The following CCDC146 variants were observed in gnomAD, a reference collection of about 807,000 sequenced individuals.
The protein encoded by CCDC146 is coiled-coil domain containing 146.
In CCDC146, 92 loss-of-function variants were observed where a neutral mutation model predicts 119.3. The observed-to-expected ratio is 0.77, with a 90% CI of 0.65 to 0.92. CCDC146 has a LOEUF of 0.92. Ranked by LOEUF, CCDC146 falls within the 40% of genes least tolerant of loss-of-function variation. CCDC146 has a pLI of 0.00. For missense variants in CCDC146, 1,000 were observed against 1,103.0 expected (o/e 0.91, Z 1.32); for synonymous variants, 372 against 371.8 (o/e 1.00, Z -0.01).
At position 77,165,018 on chromosome 7, in the gene CCDC146, G is replaced by A. The variant is rs554283237; in HGVS notation, c.-11-2640G>A. ...TTCTGTTGATTCAGTGAAGATTCAT[G>A]TATTTCAGAGATCAAAAAGAGCTGA... On this transcript the variant is annotated intron_variant, in intron 1 of 18. Transcript: ENST00000285871. Among the ~76,000 whole-genome samples the A allele has an allele frequency of 5.3e-4, 80 of 152,342 alleles. No homozygotes were observed. The South Asian group carries it at 0.016, about 30-fold the overall frequency.
intron 9 of CCDC146, among the ~76,000 whole-genome samples, chr7:77,266,020 G>A (rs118007520): frequency 2.0e-5 from 3 of 152,244 alleles, no homozygotes; most frequent in East Asian, 1.9e-4. Context: ...CACACATGAC[G>A]GTATACCTCT....
chr7:77,234,615 G>A (rs760253158), intron 2 of CCDC146, among the ~76,000 whole-genome samples: 9 of 152,104 alleles, frequency 5.9e-5, no homozygotes, highest in African/African-American at 1.9e-4. Flanking sequence ...TGCGCCTGTA[G>A]TCCCACCTAA....
chr7:77,128,931 G>A (rs1018976586), intron 1 of CCDC146, among the ~76,000 whole-genome samples: 1 of 152,110 alleles, frequency 6.6e-6, no homozygotes, highest in Non-Finnish European at 1.5e-5. Flanking sequence ...CACAAAAACT[G>A]TAAAGTGTAG....
chr7:77,240,875 C>T (rs1792829972), intron 3 of CCDC146, among the ~76,000 whole-genome samples: 1 of 152,008 alleles, frequency 6.6e-6, no homozygotes, highest in Admixed American at 6.6e-5. Context: ...GGACCCAATG[C>T]AGTATACCCC....
At chr7:77,284,285 G>A (rs1345411361) in intron 15 of CCDC146, among the ~76,000 whole-genome samples, 1 of 152,032 alleles carries the variant, frequency 6.6e-6, no homozygotes, top group Non-Finnish European at 1.5e-5. Context: ...CACTGGAGAC[G>A]CTTCCCTGAG....
intron 15 of CCDC146, among the ~76,000 whole-genome samples, chr7:77,286,309 C>T (rs1793846553): frequency 6.6e-6 from 1 of 152,174 alleles, no homozygotes; most frequent in Non-Finnish European, 1.5e-5. Flanking sequence ...AGAACTCACT[C>T]ATTATTGCAA....
At chr7:77,202,370 A>G (rs1429684896) in intron 2 of CCDC146, among the ~76,000 whole-genome samples, 2 of 152,210 alleles carry the variant, frequency 1.3e-5, no homozygotes, top group Non-Finnish European at 2.9e-5. Flanking sequence ...GGACTCTTGC[A>G]GTGGGCTTTT....
chr7:77,287,405 T>G (rs769708181), intron 16 of CCDC146, 35 bp from the exon 17 acceptor site: 10 of 1,610,566 alleles, frequency 6.2e-6, no homozygotes, highest in East Asian at 2.2e-5. Flanking sequence ...AGATGACTTT[T>G]TTTTTATTCC....
intron 2 of CCDC146, among the ~76,000 whole-genome samples, 189 bp from the exon 3 acceptor site, chr7:77,236,758 T>C (rs1792743431): frequency 6.6e-6 from 1 of 152,224 alleles, no homozygotes; most frequent in Non-Finnish European, 1.5e-5. Context: ...ACACAGAATG[T>C]ACTGGGGGCA....
intron 2 of CCDC146, chr7:77,195,090 T>C (rs1186042233): frequency 6.6e-6 from 1 of 152,170 alleles, no homozygotes; most frequent in East Asian, 1.9e-4. Context: ...AATGATATTA[T>C]TGCTTTGGAG....
chr7:77,242,789 C>G (rs1198542490), intron 4 of CCDC146, among the ~76,000 whole-genome samples: 1 of 151,346 alleles, frequency 6.6e-6, no homozygotes, highest in Non-Finnish European at 1.5e-5. Flanking sequence ...TAATTCAGTC[C>G]TTCCTAGAGA....
chr7:77,262,077 C>G (rs1404767676), intron 8 of CCDC146, 44 bp from the exon 9 acceptor site: 1 of 1,474,216 alleles, frequency 6.8e-7, no homozygotes, highest in Non-Finnish European at 9.2e-7. Context: ...TTTAGGACAG[C>G]TGATAACAAA....
intron 17 of CCDC146, among the ~76,000 whole-genome samples, chr7:77,289,981 T>G (rs1244023019): frequency 6.6e-6 from 1 of 152,130 alleles, no homozygotes; most frequent in Non-Finnish European, 1.5e-5. Flanking sequence ...AGCAAAGACT[T>G]GGAACCAACC....
At chr7:77,240,010 T>C (rs1834701563) in intron 3 of CCDC146, among the ~76,000 whole-genome samples, 2 of 152,246 alleles carry the variant, frequency 1.3e-5, no homozygotes, top group Non-Finnish European at 2.9e-5. Flanking sequence ...TAATTGCGTA[T>C]GGGAATTTCT....
intron 17 of CCDC146, among the ~76,000 whole-genome samples, chr7:77,291,912 T>C (rs1211227121): frequency 6.6e-6 from 1 of 152,222 alleles, no homozygotes; most frequent in East Asian, 1.9e-4. Context: ...TTATCTTATA[T>C]AAGCAAAGAG....
intron 4 of CCDC146, among the ~76,000 whole-genome samples, chr7:77,250,796 A>G (rs147268271): frequency 7.3e-4 from 107 of 147,550 alleles, no homozygotes; most frequent in African/African-American, 2.6e-3. Context: ...TAGTTGTCCC[A>G]GAGTTCTTGG....
intron 2 of CCDC146, among the ~76,000 whole-genome samples, chr7:77,226,574 C>A (rs1792519523): frequency 1.3e-5 from 2 of 152,292 alleles, no homozygotes; most frequent in South Asian, 4.1e-4. Flanking sequence ...TAAACTTTAT[C>A]TCTAGAGTAA....
chr7:77,271,622 A>G (rs2150530783), intron 9 of CCDC146, among the ~76,000 whole-genome samples: 2 of 144,430 alleles, frequency 1.4e-5, no homozygotes, highest in South Asian at 4.4e-4. Flanking sequence ...GGTGGAGGGT[A>G]GCTATTGGCT....
At chr7:77,211,582 G>C (rs1584076704) in intron 2 of CCDC146, among the ~76,000 whole-genome samples, 3 of 151,768 alleles carry the variant, frequency 2.0e-5, no homozygotes, top group African/African-American at 4.8e-5. Context: ...TACAGGGTTT[G>C]TGCTGCTTCT....
Sources: allele counts gnomAD v4.1 joint callset (sites outside exome capture counted in the v4.1 genomes callset), GRCh38; gene constraint gnomAD v4.1.1; transcripts MANE v1.5; gene names NCBI Gene and HGNC (gene_info 2026-07-23, HGNC 2026-07-21).